Variants in FOXP2 observed in about 807,000 individuals in gnomAD.
The protein encoded by FOXP2 is forkhead box P2.
In FOXP2, 12 loss-of-function variants were observed where a neutral mutation model predicts 115.8. The observed-to-expected ratio is 0.10, with a 90% CI of 0.07 to 0.17. FOXP2 has a LOEUF of 0.17. Among genes scored for constraint, FOXP2 ranks in the 10% least tolerant of loss-of-function variants. The probability of loss-of-function intolerance (pLI) is 1.00; values close to 1 mark genes in which losing one functional copy is unlikely to be tolerated. For missense variants in FOXP2, 629 were observed against 843.5 expected (o/e 0.75, Z 3.15); for synonymous variants, 328 against 297.7 (o/e 1.10, Z -1.05).
chr7:114,685,563 G>A (rs1225806276), intron 16 of FOXP2, among the ~76,000 whole-genome samples: 2 of 152,090 alleles, frequency 1.3e-5, no homozygotes, highest in African/African-American at 2.4e-5. Context: ...CAATAATGGC[G>A]TTATAATGGC....
chr7:114,105,845 T>C (rs191524074), intron 1 of FOXP2, among the ~76,000 whole-genome samples: 6 of 152,178 alleles, frequency 3.9e-5, no homozygotes, highest in Admixed American at 3.9e-4. Context: ...GGCTGGTAAA[T>C]AGCAAAGCCC....
At chr7:114,442,565 C>A (rs546390890) in intron 2 of FOXP2, among the ~76,000 whole-genome samples, 35 of 152,104 alleles carry the variant, frequency 2.3e-4, no homozygotes, top group Non-Finnish European at 3.8e-4. Context: ...TCAGGTGATT[C>A]TCCCACCTCA....
intron 2 of FOXP2, among the ~76,000 whole-genome samples, chr7:114,533,073 AT>A (rs1162442747): frequency 1.3e-5 from 2 of 152,112 alleles, no homozygotes; most frequent in African/African-American, 4.8e-5. Flanking sequence ...ATCCTTAGAA[AT>A]ATTTACGTTA....
rs180951358 is a variant in FOXP2 at position 114,262,738 on chromosome 7, T to A, written c.-101-25281T>A. Among the ~76,000 whole-genome samples, 27 of 152,326 alleles carry A rather than the reference T, an allele frequency of 1.8e-4. No homozygotes were observed. In the East Asian group the frequency reaches 4.4e-3, roughly 25 times the overall value. Reference sequence around the variant, plus strand: ...CAGGTCTAGTGTAAGGCAACATTTCTTCTTTCTTTCCACCCACCTGAGGAA... The same window carrying A: ...CAGGTCTAGTGTAAGGCAACATTTCATCTTTCTTTCCACCCACCTGAGGAA... On this transcript the variant is annotated intron_variant, in intron 1 of 17. Transcript: ENST00000634411.
At chr7:114,323,111 AT>A (rs778027182) in intron 2 of FOXP2, among the ~76,000 whole-genome samples, 3 of 152,112 alleles carry the variant, frequency 2.0e-5, no homozygotes, top group Non-Finnish European at 2.9e-5. Flanking sequence ...TATGTATGTG[AT>A]TTTTTGACAT....
chr7:114,294,746 C>T (rs1796694615), intron 2 of FOXP2, among the ~76,000 whole-genome samples: 2 of 151,910 alleles, frequency 1.3e-5, no homozygotes, highest in Admixed American at 1.3e-4. Context: ...GAGGCTGAGG[C>T]AGGAGAATCA....
intron 3 of FOXP2, among the ~76,000 whole-genome samples, chr7:114,617,454 A>G (rs958754785): frequency 7.9e-5 from 12 of 152,212 alleles, no homozygotes; most frequent in South Asian, 2.1e-4. Context: ...GATCATATCA[A>G]TGTTCTTAAA....
intron 1 of FOXP2, among the ~76,000 whole-genome samples, chr7:114,186,204 A>G (rs563166166): frequency 2.0e-5 from 3 of 152,156 alleles, no homozygotes; most frequent in Non-Finnish European, 4.4e-5. Context: ...CTTCTAACAT[A>G]CAAAATAAAT....
chr7:114,652,367 C>A, intron 9 of FOXP2, 77 bp downstream of exon 9: 1 of 1,297,548 alleles, frequency 7.7e-7, no homozygotes, highest in Non-Finnish European at 1.1e-6. Context: ...GATTCTGGGT[C>A]TTTCAGCCTG....
chr7:114,128,262 A>G (rs1312841389), intron 1 of FOXP2, among the ~76,000 whole-genome samples: 1 of 152,148 alleles, frequency 6.6e-6, no homozygotes, highest in Non-Finnish European at 1.5e-5. Flanking sequence ...TGCAACTCTT[A>G]ATGGATACAT....
At chr7:114,663,562 C>CTT (rs35518337) in intron 15 of FOXP2, 43 bp downstream of exon 15, 109 of 1,043,220 alleles carry the variant, frequency 1.0e-4, no homozygotes, top group East Asian at 3.5e-4. Flanking sequence ...ATGTTTAGGG[C>CTT]TTTTTTTTTT....
intron 2 of FOXP2, among the ~76,000 whole-genome samples, chr7:114,399,799 A>G (rs1792834782): frequency 6.6e-6 from 1 of 151,984 alleles, no homozygotes; most frequent in Non-Finnish European, 1.5e-5. Context: ...ATAAAGGGAG[A>G]CAGAGAATAC....
chr7:114,426,426 G>A, intron 1 of FOXP2, 76 bp from the exon 2 acceptor site: 1 of 1,344,812 alleles, frequency 7.4e-7, no homozygotes, highest in Non-Finnish European at 1.1e-6. Flanking sequence ...CTCTGTAATT[G>A]GCAGAGAGGG....
intron 2 of FOXP2, among the ~76,000 whole-genome samples, chr7:114,446,400 G>A (rs1794836640): frequency 6.6e-6 from 1 of 151,724 alleles, no homozygotes; most frequent in Non-Finnish European, 1.5e-5. Flanking sequence ...AGAAACTTAT[G>A]TATAGAGAGT....
chr7:114,542,410 T>A (rs1028948671), intron 3 of FOXP2, among the ~76,000 whole-genome samples: 6 of 152,192 alleles, frequency 3.9e-5, no homozygotes, highest in African/African-American at 1.2e-4. Flanking sequence ...TTGTGCTATT[T>A]AAGTTGGAGT....
chr7:114,497,555 A>G (rs1797375623), intron 2 of FOXP2, among the ~76,000 whole-genome samples: 1 of 152,156 alleles, frequency 6.6e-6, no homozygotes, highest in Admixed American at 6.5e-5. Flanking sequence ...AGGCTGAGGC[A>G]GGAGAATCAC....
intron 3 of FOXP2, among the ~76,000 whole-genome samples, chr7:114,547,178 T>G (rs1398821319): frequency 6.6e-6 from 1 of 152,072 alleles, no homozygotes; most frequent in Non-Finnish European, 1.5e-5. Context: ...TTCTAATGAT[T>G]CCTTTTCTTG....
In FOXP2 at chr7:114,628,581, C is replaced by T. The variant is rs749418942; in HGVS notation, c.300C>T (p.Thr100=). 1 of 1,614,060 alleles carries T rather than the reference C, an allele frequency of 6.2e-7. No homozygotes were observed. Among genetic ancestry groups the T allele is most frequent in the South Asian group, 1.1e-5 (1 of 91,082 alleles). The change falls in exon 4 of 17, where the codon ACC becomes ACT. Residue 100 remains threonine (T), a synonymous_variant. Coordinates refer to ENST00000350908, the MANE Select transcript of FOXP2 (RefSeq NM_014491.4). ...SVAMMTPQVI[T]PQQMQQILQQ... is the part of the protein sequence containing the mutation. Reference sequence around the variant, plus strand: ...CCATGATGACTCCCCAGGTGATCACCCCTCAGCAAATGCAGCAGATCCTTC... The same window carrying T: ...CCATGATGACTCCCCAGGTGATCACTCCTCAGCAAATGCAGCAGATCCTTC...
chr7:114,582,912 G>T (rs1365455511), intron 3 of FOXP2, among the ~76,000 whole-genome samples: 2 of 152,046 alleles, frequency 1.3e-5, no homozygotes, highest in Non-Finnish European at 2.9e-5. Flanking sequence ...TCTGCCTTTA[G>T]TACTGTGGAT....
Sources: allele counts gnomAD v4.1 joint callset (sites outside exome capture counted in the v4.1 genomes callset), GRCh38; gene constraint gnomAD v4.1.1; transcripts MANE v1.5; gene names NCBI Gene and HGNC (gene_info 2026-07-23, HGNC 2026-07-21).